The following E2F7 variants were observed in gnomAD, a reference collection of about 807,000 sequenced individuals.
E2F7 encodes the protein transcription factor E2F7.
E2F7 carries 35 observed loss-of-function variants against 81.1 expected under a neutral mutation model. That is an observed-to-expected ratio of 0.43 (90% CI 0.33 to 0.57). The LOEUF is 0.57. Among genes scored for constraint, E2F7 ranks in the 20% least tolerant of loss-of-function variants. E2F7 has a pLI of 0.04. For synonymous variants in E2F7, 416 were observed against 416.2 expected (o/e 1.00, Z 0.01); for missense variants, 961 against 1,093.7 (o/e 0.88, Z 1.71).
At chr12:77,033,783 G>A (rs568160834) in intron 8 of E2F7, 74 bp downstream of exon 8, 25 of 1,381,296 alleles carry the variant, frequency 1.8e-5, no homozygotes, top group Middle Eastern at 2.6e-4. Context: ...ACGCCAGCAC[G>A]TGGGTGCTGC....
At position 77,064,629 on chromosome 12, in the gene E2F7, C is replaced by T. The variant is rs61744271; in HGVS notation, c.7G>A (p.Val3Ile). ME[V>I]NCLTLKDLIS... ...AGGTCTTTTAGTGTTAAACAATTTA[C>T]CTCCATCTGTAATGCACAATTACAC... The change falls in exon 2 of 13, where the codon GTA becomes ATA. Residue 3 changes from valine (V) to isoleucine (I), a missense_variant. Transcript: ENST00000322886. 1 of 1,613,448 alleles carries T rather than the reference C, an allele frequency of 6.2e-7. No homozygotes were observed.
At chr12:77,046,923 GCTTGAATACC>G (rs944662880) in intron 4 of E2F7, among the ~76,000 whole-genome samples, 1 of 152,202 alleles carries the variant, frequency 6.6e-6, no homozygotes, top group African/African-American at 2.4e-5. Flanking sequence ...GGTGTCAAGG[GCTTGAATACC>G]CTTCTCATAT....
chr12:77,043,272 AC>A, intron 6 of E2F7, 73 bp from the exon 7 acceptor site: 2 of 1,595,860 alleles, frequency 1.3e-6, no homozygotes, highest in Non-Finnish European at 1.7e-6. Context: ...GTGACAGGTA[AC>A]TTTTCTCGGC....
intron 7 of E2F7, among the ~76,000 whole-genome samples, chr12:77,037,927 GAGAC>G (rs1954865641): frequency 6.6e-6 from 1 of 151,992 alleles, no homozygotes; most frequent in Non-Finnish European, 1.5e-5. Flanking sequence ...ACATTAAATA[GAGAC>G]AGAAATTATT....
At chr12:77,060,845 G>T (rs1214360523) in intron 2 of E2F7, among the ~76,000 whole-genome samples, 6 of 152,162 alleles carry the variant, frequency 3.9e-5, no homozygotes, top group Non-Finnish European at 5.9e-5. Context: ...CCTCCTAGGG[G>T]TCCCTCAAAC....
chr12:77,023,848 A>T lies in E2F7; in HGVS notation c.*167T>A. On this transcript the variant is annotated 3_prime_UTR_variant, in exon 13 of 13. Coordinates refer to ENST00000322886, the MANE Select transcript of E2F7 (RefSeq NM_203394.3). ...TCTAACTGGTATTAAATGCACAATTAATTACTTTCAGGAAATCAGATGATT... is the reference window on the plus strand; with the variant it reads ...TCTAACTGGTATTAAATGCACAATTTATTACTTTCAGGAAATCAGATGATT... 1.2e-6 allele frequency: 1 copy of T among 819,542 alleles called. No individual in the cohort carries two copies. Among genetic ancestry groups the T allele is most frequent in the Non-Finnish European group, 1.9e-6 (1 of 537,688 alleles). 50.8% of individuals were successfully genotyped at this position (819,542 alleles called of 1,614,324 possible). A position where few individuals can be genotyped will look rare whatever the true frequency, so the allele number is the denominator to read the frequency against.
At chr12:77,036,111 T>C (rs1275818523) in intron 7 of E2F7, among the ~76,000 whole-genome samples, 1 of 152,098 alleles carries the variant, frequency 6.6e-6, no homozygotes, top group East Asian at 1.9e-4. Flanking sequence ...GGAAAAATAC[T>C]TGATTAAGTA....
intron 1 of E2F7, 112 bp downstream of exon 1, chr12:77,065,233 C>G (rs1251625601): frequency 6.6e-6 from 1 of 152,332 alleles, no homozygotes. Flanking sequence ...AGAAACACCT[C>G]GAGCCCTCGC....
chr12:77,028,822 A>G (rs1344894042), intron 10 of E2F7, among the ~76,000 whole-genome samples: 1 of 152,236 alleles, frequency 6.6e-6, no homozygotes. Flanking sequence ...TAACACATAA[A>G]GGTAGCATAT....
At chr12:77,029,276 T>C (rs1954784133) in intron 10 of E2F7, among the ~76,000 whole-genome samples, 1 of 152,252 alleles carries the variant, frequency 6.6e-6, no homozygotes. Context: ...TGCTCCTGCT[T>C]TCTGGATTTA....
chr12:77,064,690 A>AGG, intron 1 of E2F7, 55 bp from the exon 2 acceptor site: 1 of 1,419,638 alleles, frequency 7.0e-7, no homozygotes, highest in Non-Finnish European at 9.9e-7. Flanking sequence ...TTTTTTCCTC[A>AGG]AACAAAAATA....
rs1048994666 is a variant in E2F7, at chr12:77,029,926, A to C, written c.1789T>G (p.Cys597Gly). Reference sequence around the variant, plus strand: ...TCCTCCTGAGGTTTCCTCTCCTCACAGAGGCGCTTCTGAGCTGAGGGTGCA... The same window carrying C: ...TCCTCCTGAGGTTTCCTCTCCTCACCGAGGCGCTTCTGAGCTGAGGGTGCA... ...SSAPSAQKRL[C>G]EERKPQEEDE... Residue 597 changes from cysteine (C) to glycine (G), a missense_variant, in exon 10 of 13, where the codon TGT becomes GGT. Transcript: ENST00000322886. 3 of 1,614,086 alleles carry C rather than the reference A, an allele frequency of 1.9e-6. No individual in the cohort carries two copies. The highest frequency in any genetic ancestry group is 2.7e-5 in the African/African-American group (2 of 74,930).
In E2F7 at chr12:77,065,530, C is replaced by G. The variant is rs572765744; in HGVS notation, c.-186G>C. ...CCGCGGCGTCCGGGCAGCGCCAGCGCTCAGACCGGCCGAGCGCAACTCCAG... is the reference window on the plus strand; with the variant it reads ...CCGCGGCGTCCGGGCAGCGCCAGCGGTCAGACCGGCCGAGCGCAACTCCAG... On this transcript the variant is annotated 5_prime_UTR_variant, in exon 1 of 13. Transcript: ENST00000322886. 1.3e-5 allele frequency: 2 copies of G among 152,376 alleles called. No individual in the cohort carries two copies. The highest frequency in any genetic ancestry group is 2.9e-5 in the Non-Finnish European group (2 of 68,192). 9.4% of individuals were successfully genotyped at this position (152,376 alleles called of 1,614,324 possible).
rs2242384 is a variant in E2F7 at position 77,044,656 on chromosome 12, T to C, written c.969A>G (p.Pro323=). Residue 323 remains proline, a synonymous_variant, in exon 6 of 13, where the codon CCA becomes CCG. Transcript: ENST00000322886. Reference sequence around the variant, plus strand: ...TCTTACTTTTAAATTTACTATGGTCTGGGGCATCTTGGCTTTCTTCTATCA... The same window carrying C: ...TCTTACTTTTAAATTTACTATGGTCCGGGGCATCTTGGCTTTCTTCTATCA... ...KILIEESQDA[P]DHSKFKTKVR... is the part of the protein sequence containing the mutation. 419,275 of 1,613,778 alleles carry C rather than the reference T, an allele frequency of 0.26. 55,935 individuals are homozygous for C. The highest frequency in any genetic ancestry group is 0.28 in the Middle Eastern group (1,674 of 6,062).
chr12:77,055,378 T>A, intron 3 of E2F7, among the ~76,000 whole-genome samples: 1 of 149,950 alleles, frequency 6.7e-6, no homozygotes. Flanking sequence ...TTTAACGAAG[T>A]ATAGACATGC....
At chr12:77,027,622 C>T (rs1363108335) in intron 11 of E2F7, among the ~76,000 whole-genome samples, 5 of 152,148 alleles carry the variant, frequency 3.3e-5, no homozygotes, top group Admixed American at 6.5e-5. Flanking sequence ...GCTGAATTAC[C>T]GTGCTTTTTC....
At chr12:77,024,310 TCTTATCACA>T in intron 12 of E2F7, 125 bp from the exon 13 acceptor site, 2 of 1,038,304 alleles carry the variant, frequency 1.9e-6, no homozygotes, top group Non-Finnish European at 2.7e-6. Flanking sequence ...TTCTTTGCTT[TCTTATCACA>T]CTTACCCCGT....
At chr12:77,024,453 G>A (rs1954742077) in intron 12 of E2F7, among the ~76,000 whole-genome samples, 1 of 152,134 alleles carries the variant, frequency 6.6e-6, no homozygotes, top group African/African-American at 2.4e-5. Flanking sequence ...TGCCACTGTG[G>A]ACAAGTTACT....
intron 11 of E2F7, among the ~76,000 whole-genome samples, chr12:77,026,638 T>C (rs1954762240): frequency 6.6e-6 from 1 of 152,164 alleles, no homozygotes; most frequent in Admixed American, 6.5e-5. Context: ...AAAATTTTTA[T>C]TTCCCTCAAT....
Sources: allele counts gnomAD v4.1 joint callset (sites outside exome capture counted in the v4.1 genomes callset), GRCh38; gene constraint gnomAD v4.1.1; transcripts MANE v1.5; gene names NCBI Gene and HGNC (gene_info 2026-07-23, HGNC 2026-07-21).